Variants in TENT4B observed in about 807,000 individuals in gnomAD.
TENT4B encodes terminal nucleotidyltransferase 4B.
In TENT4B, 10 loss-of-function variants were observed where a neutral mutation model predicts 75.0. That is an observed-to-expected ratio of 0.13 (90% CI 0.08 to 0.23). The LOEUF (loss-of-function observed/expected upper bound fraction) is 0.23, where lower values mean the gene tolerates loss of function less well. Ranked by LOEUF, TENT4B falls within the 10% of genes least tolerant of loss-of-function variation. The pLI, the probability that TENT4B is intolerant of heterozygous loss-of-function variation, is 1.00. For synonymous variants in TENT4B, 350 were observed against 357.7 expected (o/e 0.98, Z 0.24); for missense variants, 579 against 893.8 (o/e 0.65, Z 4.49).
chr16:50,173,751 T>A (rs1279412622), intron 1 of TENT4B, among the ~76,000 whole-genome samples: 3 of 152,186 alleles, frequency 2.0e-5, no homozygotes, highest in African/African-American at 7.2e-5. Context: ...TGGAGTGCAA[T>A]GGTACAATCT....
intron 1 of TENT4B, among the ~76,000 whole-genome samples, chr16:50,165,947 A>C (rs964664401): frequency 6.6e-6 from 1 of 152,174 alleles, no homozygotes; most frequent in Admixed American, 6.6e-5. Flanking sequence ...TAAGTGAGGA[A>C]TTCCTGGGTC....
intron 1 of TENT4B, among the ~76,000 whole-genome samples, chr16:50,202,264 A>G (rs1395062413): frequency 2.0e-5 from 3 of 152,170 alleles, no homozygotes; most frequent in Non-Finnish European, 2.9e-5. Flanking sequence ...CCTGTACTGT[A>G]ACATAGGGAA....
chr16:50,221,442 C>G (rs571576459), intron 5 of TENT4B, among the ~76,000 whole-genome samples: 2 of 152,098 alleles, frequency 1.3e-5, no homozygotes, highest in African/African-American at 4.8e-5. Context: ...CAGGTGTTCT[C>G]TCGGGTAGCC....
chr16:50,166,097 T>G (rs2038094350), intron 1 of TENT4B, among the ~76,000 whole-genome samples: 1 of 151,710 alleles, frequency 6.6e-6, no homozygotes, highest in Non-Finnish European at 1.5e-5. Context: ...TTTTTTTTTT[T>G]TTTGAGGTGA....
In TENT4B at chr16:50,231,337, T is replaced by G. The variant is rs766293784; in HGVS notation, c.*2009T>G. 2.7e-4 allele frequency: 266 copies of G among 981,638 alleles called. No individual in the cohort carries two copies. The highest frequency in any genetic ancestry group is 2.9e-4 in the Non-Finnish European group (238 of 826,140). 60.8% of individuals were successfully genotyped at this position (981,638 alleles called of 1,614,324 possible). On this transcript the variant is annotated 3_prime_UTR_variant, in exon 12 of 12. Transcript: ENST00000561678. ...TAGGACAATTGTGAATGTGTAGACT[T>G]ATGTTTACTGCTAAGGGAACAATTA...
intron 1 of TENT4B, among the ~76,000 whole-genome samples, chr16:50,199,728 A>T (rs1302008285): frequency 6.6e-6 from 1 of 152,220 alleles, no homozygotes; most frequent in African/African-American, 2.4e-5. Context: ...CCTGAATAAT[A>T]TTCCATTCTA....
At chr16:50,155,011 TA>T (rs1401510855) in intron 1 of TENT4B, among the ~76,000 whole-genome samples, 1 of 152,198 alleles carries the variant, frequency 6.6e-6, no homozygotes, top group Non-Finnish European at 1.5e-5. Context: ...CTTCTCACTG[TA>T]AAGTTGTCAT....
At chr16:50,224,302 T>C (rs957769891) in intron 7 of TENT4B, among the ~76,000 whole-genome samples, 1 of 152,194 alleles carries the variant, frequency 6.6e-6, no homozygotes, top group Admixed American at 6.5e-5. Context: ...GAAATAGATA[T>C]ATAGCTAATA....
intron 5 of TENT4B, among the ~76,000 whole-genome samples, chr16:50,218,487 C>T (rs1596742755): frequency 1.3e-5 from 2 of 151,902 alleles, no homozygotes; most frequent in Admixed American, 6.6e-5. Context: ...GTGCCTGGGA[C>T]GAGTACCAGG....
chr16:50,176,494 CTTTTTTTTTTTTTTTTTT>C (rs34067223), intron 1 of TENT4B, among the ~76,000 whole-genome samples: 30 of 53,094 alleles, frequency 5.7e-4, no homozygotes, highest in South Asian at 3.7e-3. Flanking sequence ...ACCAATAATT[CTTTTTTTTTTTTTTTTTT>C]TTTTTTTTTT....
intron 1 of TENT4B, among the ~76,000 whole-genome samples, chr16:50,200,802 T>TA (rs200142573): frequency 0.018 from 2,695 of 152,078 alleles, 96 homozygotes; most frequent in African/African-American, 0.062. Flanking sequence ...TTTTTATTTT[T>TA]TTTTTTTATT....
upstream of TENT4B, chr16:50,153,090 C>T: frequency 7.5e-7 from 1 of 1,341,542 alleles, no homozygotes; most frequent in South Asian, 1.6e-5. Flanking sequence ...GGTTGCGGCC[C>T]CGTCGCGCCG....
At chr16:50,177,373 T>C (rs2038331151) in intron 1 of TENT4B, among the ~76,000 whole-genome samples, 1 of 152,214 alleles carries the variant, frequency 6.6e-6, no homozygotes, top group Admixed American at 6.5e-5. Flanking sequence ...TGCCTTTTGC[T>C]TTAGAAGGTT....
intron 1 of TENT4B, among the ~76,000 whole-genome samples, chr16:50,159,016 A>G (rs549530140): frequency 2.0e-5 from 3 of 152,164 alleles, no homozygotes; most frequent in Non-Finnish European, 2.9e-5. Context: ...AGGGGGATGT[A>G]TAGGTGGACC....
intron 1 of TENT4B, among the ~76,000 whole-genome samples, chr16:50,183,904 C>T (rs780484273): frequency 4.6e-5 from 7 of 152,140 alleles, no homozygotes; most frequent in Middle Eastern, 3.4e-3. Flanking sequence ...ATTAGCCAGG[C>T]GTGGTGGCTA....
chr16:50,182,220 C>T (rs2038429194), intron 1 of TENT4B, among the ~76,000 whole-genome samples: 1 of 151,972 alleles, frequency 6.6e-6, no homozygotes, highest in Admixed American at 6.6e-5. Flanking sequence ...TGAGCCAAGA[C>T]TACACTACAG....
intron 10 of TENT4B, among the ~76,000 whole-genome samples, chr16:50,227,337 T>C (rs562681656): frequency 6.6e-6 from 1 of 152,238 alleles, no homozygotes; most frequent in Admixed American, 6.5e-5. Context: ...CAGAGAGACG[T>C]AGCATTGTCA....
At chr16:50,200,313 CTG>C (rs1229892457) in intron 1 of TENT4B, among the ~76,000 whole-genome samples, 1 of 150,634 alleles carries the variant, frequency 6.6e-6, no homozygotes, top group Non-Finnish European at 1.5e-5. Context: ...TGGCAGTAAA[CTG>C]TGATCATACC....
chr16:50,164,455 C>T (rs943991316), intron 1 of TENT4B, among the ~76,000 whole-genome samples: 1 of 151,836 alleles, frequency 6.6e-6, no homozygotes, highest in Non-Finnish European at 1.5e-5. Context: ...ATTACAGGCG[C>T]CCACCACCAT....
Sources: gnomAD v4.1 joint callset for allele counts (sites outside exome capture counted in the v4.1 genomes callset) on GRCh38, gnomAD v4.1.1 for gene constraint, MANE v1.5 for transcripts, NCBI Gene and HGNC (gene_info 2026-07-23, HGNC 2026-07-21) for gene names.